BCAS4: variants seen among roughly 807,000 people sequenced by gnomAD.
BCAS4 encodes the protein breast carcinoma amplified sequence 4, also known as breast carcinoma-amplified sequence 4.
A neutral mutation model predicts 15.7 loss-of-function variants in BCAS4; 9 were observed. The ratio of observed to expected loss-of-function variants is 0.57; its 90% CI spans 0.34 to 1.00. The LOEUF (loss-of-function observed/expected upper bound fraction) is 1.00, where lower values mean the gene tolerates loss of function less well. BCAS4 is among the 50% of genes least tolerant of loss of function. BCAS4 has a pLI of 0.02. For missense variants in BCAS4, 225 were observed against 239.1 expected, an observed-to-expected ratio of 0.94 and a Z score of 0.39; for synonymous variants, 101 against 99.5, an observed-to-expected ratio of 1.02 and a Z score of -0.09.
At chr20:50,811,364 C>T (rs1352886223) in intron 1 of BCAS4, among the ~76,000 whole-genome samples, 1 of 151,264 alleles carries the variant, frequency 6.6e-6, no homozygotes, top group Non-Finnish European at 1.5e-5. Context: ...GACCCTGTCT[C>T]TAAGAAAAAA....
intron 1 of BCAS4, among the ~76,000 whole-genome samples, chr20:50,796,475 ATATATATATATATTTTTTTT>A (rs1422081444): frequency 5.7e-4 from 7 of 12,388 alleles, no homozygotes; most frequent in African/African-American, 2.3e-3. Flanking sequence ...ATATATATAT[ATATATATATATATTTTTTTT>A]TTTTTTTTTT....
Position 50,827,351 on chromosome 20 carries a change from T to C in BCAS4, c.163-2928T>C, listed in dbSNP as rs560376084. On this transcript the variant is annotated intron_variant, in intron 2 of 4. Transcript: ENST00000371608. ...CGATCACCACAGAGGAGGAGCCTTC[T>C]TATCACATCCCATCAGAGGGTCCCC... Among the ~76,000 whole-genome samples the C allele has an allele frequency of 2.0e-5, 3 of 152,354 alleles. No individual in the cohort carries two copies. In the East Asian group the frequency reaches 5.8e-4, roughly 29 times the overall value.
chr20:50,838,326 A>G (rs2058971191), intron 3 of BCAS4, among the ~76,000 whole-genome samples: 1 of 152,206 alleles, frequency 6.6e-6, no homozygotes, highest in African/African-American at 2.4e-5. Flanking sequence ...TCAGAGGGCA[A>G]TGAGGGCTGT....
chr20:50,838,995 C>T lies in BCAS4; in HGVS notation c.265-2771C>T, dbSNP rs543672090. ...ACTTTAAAGGAACCAAAGGGAAGCA[C>T]GTGGAGGGAGGAGGGAAGGTAGGGC... On this transcript the variant is annotated intron_variant, in intron 3 of 4. Transcript: ENST00000371608. Among the ~76,000 whole-genome samples, 7 of 152,120 alleles carry T rather than the reference C, an allele frequency of 4.6e-5. No individual in the cohort carries two copies. In the South Asian group the frequency reaches 6.2e-4, roughly 14 times the overall value.
At chr20:50,824,956 C>T (rs546783653) in intron 2 of BCAS4, among the ~76,000 whole-genome samples, 27 of 152,196 alleles carry the variant, frequency 1.8e-4, no homozygotes, top group Admixed American at 3.9e-4. Flanking sequence ...TGCCTTTGCC[C>T]GATGAATGAC....
chr20:50,810,182 A>G (rs147573688), intron 1 of BCAS4, among the ~76,000 whole-genome samples: 2,729 of 151,412 alleles, frequency 0.018, 34 homozygotes, highest in South Asian at 0.03. Flanking sequence ...TTGCCCTGTG[A>G]TACTGCCTGA....
At chr20:50,874,351 T>C (rs6096141) in intron 4 of BCAS4, among the ~76,000 whole-genome samples, 80,499 of 152,012 alleles carry the variant, frequency 0.53, 24,893 homozygotes, top group African/African-American at 0.87. Flanking sequence ...TCTATACCCC[T>C]GTTCTCCTGA....
At chr20:50,818,330 A>G in intron 2 of BCAS4, 48 bp downstream of exon 2, 1 of 1,194,854 alleles carries the variant, frequency 8.4e-7, no homozygotes, top group Non-Finnish European at 1.1e-6. Context: ...GCCAGACTTC[A>G]GGCCCTTGCT....
intron 1 of BCAS4, among the ~76,000 whole-genome samples, chr20:50,799,353 G>A (rs2087901362): frequency 6.6e-6 from 1 of 152,164 alleles, no homozygotes; most frequent in Non-Finnish European, 1.5e-5. Context: ...ATAACCCACT[G>A]AAAGCACTTG....
chr20:50,843,960 A>T (rs944233524), intron 4 of BCAS4, among the ~76,000 whole-genome samples: 19 of 152,162 alleles, frequency 1.2e-4, no homozygotes. Context: ...CCTGGGCAAC[A>T]TGGCAAAACC....
At chr20:50,812,742 T>G (rs1180030750) in intron 1 of BCAS4, among the ~76,000 whole-genome samples, 1 of 152,168 alleles carries the variant, frequency 6.6e-6, no homozygotes, top group Non-Finnish European at 1.5e-5. Context: ...ACCCAGGCTT[T>G]TCAACTTTTT....
At chr20:50,878,426 T>A (rs1329032598), downstream of BCAS4, 1 of 152,180 alleles carries the variant, frequency 6.6e-6, no homozygotes, top group Non-Finnish European at 1.5e-5. Flanking sequence ...TACTTTGGCC[T>A]CCCAAGGTGC....
chr20:50,803,555 A>G (rs1284636990), intron 1 of BCAS4, among the ~76,000 whole-genome samples: 1 of 152,122 alleles, frequency 6.6e-6, no homozygotes. Flanking sequence ...AAAAAATACT[A>G]GCTGGGGTCA....
intron 4 of BCAS4, among the ~76,000 whole-genome samples, chr20:50,844,660 T>C (rs956334002): frequency 1.3e-5 from 2 of 152,142 alleles, no homozygotes; most frequent in Non-Finnish European, 2.9e-5. Context: ...GAGAATCACC[T>C]ATCCAGAGTC....
chr20:50,827,571 T>G (rs1342740382), intron 2 of BCAS4, among the ~76,000 whole-genome samples: 1 of 152,232 alleles, frequency 6.6e-6, no homozygotes, highest in Non-Finnish European at 1.5e-5. Context: ...GTCCCAGCTT[T>G]GGCCATTTCA....
At position 50,841,747 on chromosome 20, in the gene BCAS4, G is replaced by C. The variant is rs372574118; in HGVS notation, c.265-19G>C. On this transcript the variant is annotated intron_variant, in intron 3 of 4. Coordinates refer to ENST00000371608, the MANE Select transcript of BCAS4 (RefSeq NM_198799.4). The stretch of plus-strand genomic sequence containing the variant: ...CAGCCTGCACAGATGCGGCATCATG[G>C]CTTCTCCGTGTCCCTCAGGCCTTCG... 1.9e-6 allele frequency: 3 copies of C among 1,613,932 alleles called. No homozygotes were observed. The highest frequency in any genetic ancestry group is 2.5e-6 in the Non-Finnish European group (3 of 1,180,006).
intron 4 of BCAS4, among the ~76,000 whole-genome samples, chr20:50,872,257 CTGTCT>C: frequency 1.2e-5 from 1 of 86,364 alleles, no homozygotes; most frequent in South Asian, 4.5e-4. Context: ...GAGCGAGACT[CTGTCT>C]CAAAAAAAAA....
intron 4 of BCAS4, among the ~76,000 whole-genome samples, chr20:50,854,999 G>A (rs548787332): frequency 1.3e-5 from 2 of 152,322 alleles, no homozygotes; most frequent in East Asian, 3.9e-4. Context: ...GGTGCTCAGG[G>A]GTGGCCGGGT....
rs1979971065 is a variant in BCAS4 at position 50,876,678 on chromosome 20, T to A, written c.*70T>A. On this transcript the variant is annotated 3_prime_UTR_variant, in exon 5 of 5. Transcript: ENST00000371608. ...TACACACTGCAGCTTGGGGGTTTTT[T>A]CTTTGTATTGCTGTTTATTTTATAT... is the stretch of plus-strand genomic sequence containing the variant. 3.9e-6 allele frequency: 6 copies of A among 1,524,550 alleles called. No individual in the cohort carries two copies. Among genetic ancestry groups the A allele is most frequent in the Non-Finnish European group, 5.3e-6 (6 of 1,135,650 alleles). 94.4% of individuals were successfully genotyped at this position (1,524,550 alleles called of 1,614,324 possible). A position where few individuals can be genotyped will look rare whatever the true frequency, so the allele number is the denominator to read the frequency against.
Sources: gnomAD v4.1 joint callset for allele counts (sites outside exome capture counted in the v4.1 genomes callset) on GRCh38, gnomAD v4.1.1 for gene constraint, MANE v1.5 for transcripts, NCBI Gene and HGNC (gene_info 2026-07-23, HGNC 2026-07-21) for gene names.